The following NEDD9 variants were observed in gnomAD, a reference collection of about 807,000 sequenced individuals.
NEDD9 encodes enhancer of filamentation 1.
NEDD9 carries 26 observed loss-of-function variants against 76.6 expected under a neutral mutation model. The observed-to-expected ratio is 0.34, with a 90% CI of 0.25 to 0.47. NEDD9 has a LOEUF of 0.47. Among genes scored for constraint, NEDD9 ranks in the 20% least tolerant of loss-of-function variants. The pLI is 1.00. For missense variants in NEDD9, 937 were observed against 1,058.5 expected (o/e 0.89, Z 1.59); for synonymous variants, 392 against 414.2 (o/e 0.95, Z 0.65).
intron 1 of NEDD9, among the ~76,000 whole-genome samples, chr6:11,358,939 T>C (rs1213414919): frequency 6.6e-6 from 1 of 152,210 alleles, no homozygotes; most frequent in African/African-American, 2.4e-5. Flanking sequence ...CATATTATCA[T>C]GGGGGAGAGG....
At chr6:11,224,978 A>G (rs1281734574) in intron 1 of NEDD9, among the ~76,000 whole-genome samples, 7 of 152,228 alleles carry the variant, frequency 4.6e-5, no homozygotes, top group Non-Finnish European at 8.8e-5. Context: ...AATGACATAT[A>G]CTATCTAAAT....
upstream of NEDD9, among the ~76,000 whole-genome samples, chr6:11,237,111 G>A (rs1192755829): frequency 6.6e-6 from 1 of 151,898 alleles, no homozygotes; most frequent in Non-Finnish European, 1.5e-5. This position sits in a 1 kb window ranked among gnomAD's most constrained non-coding sequence, Gnocchi z 4.9. Context: ...CCCCCACCCT[G>A]CCCACCTCGC....
intron 2 of NEDD9, among the ~76,000 whole-genome samples, chr6:11,319,332 C>T (rs1183762045): frequency 1.3e-5 from 2 of 152,182 alleles, no homozygotes; most frequent in Non-Finnish European, 2.9e-5. Context: ...CACTCTCACA[C>T]ACCCACACAC....
At chr6:11,380,147 A>T (rs950489305) in intron 1 of NEDD9, among the ~76,000 whole-genome samples, 2 of 152,194 alleles carry the variant, frequency 1.3e-5, no homozygotes, top group African/African-American at 4.8e-5. Flanking sequence ...GGAAATCAAA[A>T]CTCAGAGTCT....
intron 2 of NEDD9, among the ~76,000 whole-genome samples, chr6:11,319,478 A>G (rs1231744160): frequency 6.6e-6 from 1 of 151,068 alleles, no homozygotes; most frequent in Non-Finnish European, 1.5e-5. Flanking sequence ...ACTCACACTA[A>G]CAAGCAAATA....
chr6:11,232,558 A>C lies in NEDD9; in HGVS notation c.-43T>G. ...GAGCCGTTTTCCTACACTAGTTAAG[A>C]CAGCATTAAGCACTGCGGTGCCCGC... On this transcript the variant is annotated 5_prime_UTR_variant, in exon 1 of 7. Coordinates refer to ENST00000379446, the MANE Select transcript of NEDD9 (RefSeq NM_006403.4). The C allele has an allele frequency of 6.2e-7, 1 of 1,614,064 alleles. No homozygotes were observed. The highest frequency in any genetic ancestry group is 2.2e-5 in the East Asian group (1 of 44,892).
At chr6:11,353,056 C>T (rs544569254) in intron 1 of NEDD9, among the ~76,000 whole-genome samples, 1 of 152,400 alleles carries the variant, frequency 6.6e-6, no homozygotes, top group Admixed American at 6.5e-5. Flanking sequence ...CTTTCGCCTC[C>T]ATCTCCAGAT....
chr6:11,355,960 A>C (rs1762566057), intron 1 of NEDD9, among the ~76,000 whole-genome samples: 1 of 152,108 alleles, frequency 6.6e-6, no homozygotes, highest in African/African-American at 2.4e-5. Flanking sequence ...TGACCTCGTG[A>C]TCTGCCCACC....
chr6:11,277,060 G>A (rs534430478), intron 3 of NEDD9, among the ~76,000 whole-genome samples: 41 of 131,342 alleles, frequency 3.1e-4, no homozygotes, highest in African/African-American at 1.1e-3. Context: ...TCTGATGCCC[G>A]GGGGGTGCAT....
intron 3 of NEDD9, among the ~76,000 whole-genome samples, chr6:11,292,301 A>G (rs1760797277): frequency 6.6e-6 from 1 of 152,204 alleles, no homozygotes; most frequent in Admixed American, 6.5e-5. Flanking sequence ...CTTCGAGGTC[A>G]CTTTCTGCAT....
At chr6:11,339,030 A>G (rs536092653) in intron 1 of NEDD9, among the ~76,000 whole-genome samples, 61 of 152,146 alleles carry the variant, frequency 4.0e-4, no homozygotes, top group African/African-American at 1.2e-3. Context: ...GCATATACAA[A>G]TAAATTCAAA....
Position 11,183,360 on chromosome 6 carries a change from A to G in NEDD9, c.*1802T>C, listed in dbSNP as rs1757898561. ...ATAGCCTCTACATACAAGACGGCAA[A>G]GAGTAATACAGATTGAACATTTGGT... On this transcript the variant is annotated 3_prime_UTR_variant, in exon 7 of 7. Transcript: ENST00000379446. 1 of 152,230 alleles carries G rather than the reference A, an allele frequency of 6.6e-6. No individual in the cohort carries two copies. Among genetic ancestry groups the G allele is most frequent in the Admixed American group, 6.5e-5 (1 of 15,284 alleles). 9.4% of individuals were successfully genotyped at this position (152,230 alleles called of 1,614,324 possible).
chr6:11,265,278 A>G (rs1760181736), intron 3 of NEDD9, among the ~76,000 whole-genome samples: 1 of 152,208 alleles, frequency 6.6e-6, no homozygotes, highest in Non-Finnish European at 1.5e-5. Context: ...TGTTATATGG[A>G]CAAGGAGAGA....
chr6:11,368,690 G>A (rs894850586), intron 1 of NEDD9, among the ~76,000 whole-genome samples: 5 of 152,122 alleles, frequency 3.3e-5, no homozygotes, highest in African/African-American at 1.2e-4. Context: ...ATATCATTTC[G>A]GCTTTCTTTA....
Position 11,232,502 on chromosome 6 carries a change from A to G in NEDD9, c.12+2T>C. ...GGTAACCTGTAAAAGGCACTCTCTTACCTTATACTTCATTTCGGCAGCGGT... is the reference window on the plus strand; with the variant it reads ...GGTAACCTGTAAAAGGCACTCTCTTGCCTTATACTTCATTTCGGCAGCGGT... On this transcript the variant is annotated splice_donor_variant, in intron 1 of 6. Coordinates refer to ENST00000379446, the MANE Select transcript of NEDD9 (RefSeq NM_006403.4). LOFTEE classifies it high-confidence loss of function. 6.2e-7 allele frequency: 1 copy of G among 1,614,202 alleles called. No individual in the cohort carries two copies. The highest frequency in any genetic ancestry group is 8.5e-7 in the Non-Finnish European group (1 of 1,180,036).
intron 1 of NEDD9, among the ~76,000 whole-genome samples, chr6:11,367,637 G>A (rs550785592): frequency 6.6e-6 from 1 of 152,164 alleles, no homozygotes; most frequent in Non-Finnish European, 1.5e-5. Flanking sequence ...ATTAGGTTTA[G>A]AGTAAGCTGC....
At chr6:11,307,290 C>T (rs774922079) in intron 2 of NEDD9, among the ~76,000 whole-genome samples, 8 of 152,142 alleles carry the variant, frequency 5.3e-5, no homozygotes, top group Non-Finnish European at 1.2e-4. Context: ...GGAACAGCCT[C>T]CTGTAATTTC....
chr6:11,269,925 T>C (rs1319263478), intron 3 of NEDD9, among the ~76,000 whole-genome samples: 1 of 152,152 alleles, frequency 6.6e-6, no homozygotes, highest in Non-Finnish European at 1.5e-5. Context: ...TCAGGAGTTG[T>C]AGCACAGCCT....
chr6:11,315,949 T>C (rs139961513), intron 2 of NEDD9, among the ~76,000 whole-genome samples: 155 of 152,236 alleles, frequency 1.0e-3, no homozygotes, highest in African/African-American at 3.6e-3. Context: ...TAATTGAGGG[T>C]AAAAGGCAGG....
Sources: gnomAD v4.1 joint callset for allele counts (sites outside exome capture counted in the v4.1 genomes callset) on GRCh38, gnomAD v4.1.1 for gene constraint, Gnocchi (gnomAD v3.1) non-coding constraint, MANE v1.5 for transcripts, NCBI Gene and HGNC (gene_info 2026-07-23, HGNC 2026-07-21) for gene names.